The following GABRA4 variants were observed in gnomAD, a reference collection of about 807,000 sequenced individuals.
The protein encoded by GABRA4 is gamma-aminobutyric acid receptor subunit alpha-4.
In GABRA4, 12 loss-of-function variants were observed where a neutral mutation model predicts 49.7. That is an observed-to-expected ratio of 0.24 (90% CI 0.15 to 0.39). The LOEUF is 0.39. GABRA4 is among the 10% of genes least tolerant of loss of function. The probability of loss-of-function intolerance (pLI) is 1.00; values close to 1 mark genes in which losing one functional copy is unlikely to be tolerated. For synonymous variants in GABRA4, 288 were observed against 240.2 expected (o/e 1.20, Z -1.84); for missense variants, 506 against 686.0 (o/e 0.74, Z 2.93).
intron 4 of GABRA4, 86 bp from the exon 5 acceptor site, chr4:46,977,229 G>A: frequency 1.5e-6 from 1 of 679,262 alleles, no homozygotes; most frequent in Non-Finnish European, 2.3e-6. Flanking sequence ...GGAAGGGAGG[G>A]AAGGAGGAAG....
Position 46,927,335 on chromosome 4 carries a change from T to A in GABRA4, c.*890A>T, listed in dbSNP as rs530964655. On this transcript the variant is annotated 3_prime_UTR_variant, in exon 9 of 9. Coordinates refer to ENST00000264318, the MANE Select transcript of GABRA4 (RefSeq NM_000809.4). ...AGTAGAGGCTGAAAAATATTTTGAA[T>A]ATGTTGTCAGACTCTAAATAAATGT... The A allele has an allele frequency of 2.4e-4, 36 of 152,610 alleles. No homozygotes were observed. The highest frequency in any genetic ancestry group is 3.7e-4 in the Non-Finnish European group (25 of 67,964). The allele number at this position is 152,610 out of a possible 1,614,324, so 9.5% of individuals were successfully genotyped here.
At chr4:46,935,203 T>C (rs1260388586) in intron 8 of GABRA4, among the ~76,000 whole-genome samples, 3 of 152,150 alleles carry the variant, frequency 2.0e-5, no homozygotes, top group African/African-American at 7.2e-5. Context: ...CAGTTAAAAT[T>C]GTGGGCTCCC....
intron 8 of GABRA4, among the ~76,000 whole-genome samples, chr4:46,952,344 G>A (rs188266856): frequency 6.6e-6 from 1 of 152,138 alleles, no homozygotes; most frequent in East Asian, 1.9e-4. Flanking sequence ...AAAAAATCCT[G>A]TAACATCTGA....
At chr4:46,964,900 T>C in intron 8 of GABRA4, 70 bp downstream of exon 8, 1 of 1,469,902 alleles carries the variant, frequency 6.8e-7, no homozygotes, top group South Asian at 1.4e-5. Flanking sequence ...GTTCTCAGTT[T>C]GTTTCCCTGA....
At chr4:46,936,462 C>T (rs1721607106) in intron 8 of GABRA4, among the ~76,000 whole-genome samples, 2 of 152,104 alleles carry the variant, frequency 1.3e-5, no homozygotes, top group African/African-American at 4.8e-5. Flanking sequence ...GTTTGTCAGG[C>T]TGGTCTCGAA....
At chr4:46,940,723 A>AC (rs1266221948) in intron 8 of GABRA4, among the ~76,000 whole-genome samples, 1 of 151,538 alleles carries the variant, frequency 6.6e-6, no homozygotes, top group Non-Finnish European at 1.5e-5. Flanking sequence ...TTAAACAGAC[A>AC]CCCCCCACTC....
chr4:46,934,503 G>C (rs1401485814), intron 8 of GABRA4, among the ~76,000 whole-genome samples: 1 of 152,130 alleles, frequency 6.6e-6, no homozygotes, highest in Non-Finnish European at 1.5e-5. Context: ...AAACCAAAAT[G>C]CTGAGTTCCC....
Position 46,920,345 on chromosome 4 carries a change from T to C in GABRA4, c.*7880A>G, listed in dbSNP as rs1720975525. The C allele has an allele frequency of 6.6e-6, 1 of 151,682 alleles. No individual in the cohort carries two copies. Among genetic ancestry groups the C allele is most frequent in the South Asian group, 2.1e-4 (1 of 4,822 alleles). 9.4% of individuals were successfully genotyped at this position (151,682 alleles called of 1,614,324 possible). A position where few individuals can be genotyped will look rare whatever the true frequency, so the allele number is the denominator to read the frequency against. ...AACAACATAACTTTGTTCAGGTATT[T>C]GCCAGTCTCCTTTAATGGATACTAT... On this transcript the variant is annotated 3_prime_UTR_variant, in exon 9 of 9. Coordinates refer to ENST00000264318, the MANE Select transcript of GABRA4 (RefSeq NM_000809.4).
At chr4:46,962,497 T>C (rs1017937833) in intron 8 of GABRA4, among the ~76,000 whole-genome samples, 6 of 151,988 alleles carry the variant, frequency 3.9e-5, no homozygotes, top group Non-Finnish European at 8.8e-5. Flanking sequence ...GTTCATGGAT[T>C]GGAAGAATCA....
In GABRA4 at chr4:46,923,641, C is replaced by A. The variant is rs1721112327; in HGVS notation, c.*4584G>T. 1.3e-5 allele frequency: 2 copies of A among 152,030 alleles called. No homozygotes were observed. The highest frequency in any genetic ancestry group is 4.1e-4 in the South Asian group (2 of 4,822). 9.4% of individuals were successfully genotyped at this position (152,030 alleles called of 1,614,324 possible). On this transcript the variant is annotated 3_prime_UTR_variant, in exon 9 of 9. Coordinates refer to ENST00000264318, the MANE Select transcript of GABRA4 (RefSeq NM_000809.4). ...ACAGGAAAGAAAAAATAAGAGATCTCAACTGTTCCACTACCTCTAGATTTG... is the reference window on the plus strand; with the variant it reads ...ACAGGAAAGAAAAAATAAGAGATCTAAACTGTTCCACTACCTCTAGATTTG...
intron 8 of GABRA4, among the ~76,000 whole-genome samples, chr4:46,930,835 G>GA (rs768882276): frequency 6.8e-6 from 1 of 147,776 alleles, no homozygotes. Flanking sequence ...TAAAACAAAT[G>GA]CAAAAAAAAA....
chr4:46,980,922 C>T (rs1723334899), intron 2 of GABRA4, among the ~76,000 whole-genome samples: 1 of 152,056 alleles, frequency 6.6e-6, no homozygotes, highest in South Asian at 2.1e-4. Context: ...TGATAAGTTA[C>T]TCGAATAATT....
At chr4:46,950,197 G>A (rs1336583061) in intron 8 of GABRA4, among the ~76,000 whole-genome samples, 1 of 151,998 alleles carries the variant, frequency 6.6e-6, no homozygotes, top group African/African-American at 2.4e-5. Context: ...ATCTATACAA[G>A]CATAAACTGC....
rs1002501227 is a variant in GABRA4, at chr4:46,920,852, A to G, written c.*7373T>C. Reference sequence around the variant, plus strand: ...TAGTTTTAAATCTTAGTGTTAATATAGAATATATTTAATTTATCCTTTACT... The same window carrying G: ...TAGTTTTAAATCTTAGTGTTAATATGGAATATATTTAATTTATCCTTTACT... On this transcript the variant is annotated 3_prime_UTR_variant, in exon 9 of 9. Coordinates refer to ENST00000264318, the MANE Select transcript of GABRA4 (RefSeq NM_000809.4). The G allele has an allele frequency of 6.6e-6, 1 of 151,914 alleles. No homozygotes were observed. The highest frequency in any genetic ancestry group is 1.5e-5 in the Non-Finnish European group (1 of 67,792). 9.4% of individuals were successfully genotyped at this position (151,914 alleles called of 1,614,324 possible).
At chr4:46,946,121 T>C (rs897127872) in intron 8 of GABRA4, among the ~76,000 whole-genome samples, 3 of 152,188 alleles carry the variant, frequency 2.0e-5, no homozygotes, top group Non-Finnish European at 4.4e-5. Flanking sequence ...GCAAGACTGA[T>C]GTGATGCTTT....
At chr4:46,986,760 C>T (rs193167541) in intron 2 of GABRA4, among the ~76,000 whole-genome samples, 2 of 152,128 alleles carry the variant, frequency 1.3e-5, no homozygotes, top group East Asian at 1.9e-4. Flanking sequence ...TCATCTATGC[C>T]CCTGGTCTAC....
At chr4:46,978,072 T>A (rs990639030) in intron 3 of GABRA4, among the ~76,000 whole-genome samples, 2 of 152,178 alleles carry the variant, frequency 1.3e-5, no homozygotes, top group Admixed American at 1.3e-4. Flanking sequence ...CAAAGTTTAT[T>A]AAAATGAGTC....
chr4:46,966,064 T>C (rs1031937313), intron 7 of GABRA4, among the ~76,000 whole-genome samples: 4 of 151,762 alleles, frequency 2.6e-5, no homozygotes, highest in African/African-American at 7.2e-5. Context: ...TTCCCACTCT[T>C]AGCAGAAAAA....
At chr4:46,978,709 A>AAG (rs1723239452) in intron 3 of GABRA4, among the ~76,000 whole-genome samples, 3 of 148,812 alleles carry the variant, frequency 2.0e-5, no homozygotes, top group Non-Finnish European at 4.5e-5. Context: ...AAAAAAAAAA[A>AAG]AAAAGAAAAA....
Sources: gnomAD v4.1 joint callset for allele counts (sites outside exome capture counted in the v4.1 genomes callset) on GRCh38, gnomAD v4.1.1 for gene constraint, MANE v1.5 for transcripts, NCBI Gene and HGNC (gene_info 2026-07-23, HGNC 2026-07-21) for gene names.